The following KCNQ2 variants were observed in gnomAD, a reference collection of about 807,000 sequenced individuals.
KCNQ2 encodes potassium voltage-gated channel subfamily Q member 2.
A neutral mutation model predicts 84.8 loss-of-function variants in KCNQ2; 14 were observed. The observed-to-expected ratio is 0.17, with a 90% CI of 0.11 to 0.26. The LOEUF (loss-of-function observed/expected upper bound fraction) is 0.26. Ranked by LOEUF, KCNQ2 falls within the 10% of genes least tolerant of loss-of-function variation. The pLI, the probability that KCNQ2 is intolerant of heterozygous loss-of-function variation, is 1.00. For missense variants in KCNQ2, 788 were observed against 1,254.0 expected, an observed-to-expected ratio of 0.63 and a Z score of 5.61; for synonymous variants, 599 against 554.1, an observed-to-expected ratio of 1.08 and a Z score of -1.14.
At position 63,417,550 on chromosome 20, in the gene KCNQ2, C is replaced by T. The variant is rs2080333485; in HGVS notation, c.1301+2069G>A. 3.3e-5 allele frequency among the ~76,000 whole-genome samples: 5 copies of T among 152,314 alleles called. No individual in the cohort carries two copies. In the Middle Eastern group the frequency reaches 0.014, roughly 414 times the overall value. ...CCTTGGCTGGTCTCTGGGCAGAGCC[C>T]GGTGCTGAGGGCTTGCAGTGGGAAA... On this transcript the variant is annotated intron_variant, in intron 12 of 16. Coordinates refer to ENST00000359125, the MANE Select transcript of KCNQ2 (RefSeq NM_172107.4).
rs1283846689 is a variant in KCNQ2 at position 63,438,605 on chromosome 20, C to T, written c.1023+20G>A. On this transcript the variant is annotated intron_variant, in intron 7 of 16. Coordinates refer to ENST00000359125, the MANE Select transcript of KCNQ2 (RefSeq NM_172107.4). The surrounding 1 kb of genome is among the most constrained non-coding windows in gnomAD (Gnocchi z 5.1). Reference sequence around the variant, plus strand: ...CCAGGACAAGGGCTGTGCTGGTCCCCGGGGGACACCTGGACTCACCTGGAT... The same window carrying T: ...CCAGGACAAGGGCTGTGCTGGTCCCTGGGGGACACCTGGACTCACCTGGAT... The T allele has an allele frequency of 4.4e-6, 7 of 1,607,636 alleles. No homozygotes were observed. In the East Asian group the frequency reaches 6.7e-5, roughly 15 times the overall value.
At position 63,406,346 on chromosome 20, in the gene KCNQ2, A is replaced by G. The variant is rs1381293572; in HGVS notation, c.*298T>C. 27 of 392,108 alleles carry G rather than the reference A, an allele frequency of 6.9e-5. No individual in the cohort carries two copies. Among genetic ancestry groups the G allele is most frequent in the Non-Finnish European group, 1.3e-4 (27 of 214,688 alleles). The allele number at this position is 392,108 out of a possible 1,614,324, so 24.3% of individuals were successfully genotyped here. A position where few individuals can be genotyped will look rare whatever the true frequency, so the allele number is the denominator to read the frequency against. On this transcript the variant is annotated 3_prime_UTR_variant, in exon 17 of 17. Coordinates refer to ENST00000359125, the MANE Select transcript of KCNQ2 (RefSeq NM_172107.4). ...CGTCATCACTCCCGCCCCTCCTCAC[A>G]CCGGGCTGATGTCGGCCGCGGCCCT...
At chr20:63,419,079 AG>A (rs1568889250) in intron 12 of KCNQ2, among the ~76,000 whole-genome samples, 1 of 151,964 alleles carries the variant, frequency 6.6e-6, no homozygotes, top group Non-Finnish European at 1.5e-5. Flanking sequence ...CACGGTGCAA[AG>A]GGGGCGGCTC....
At chr20:63,453,280 G>A (rs951736171) in intron 1 of KCNQ2, among the ~76,000 whole-genome samples, 3 of 152,254 alleles carry the variant, frequency 2.0e-5, no homozygotes, top group Non-Finnish European at 4.4e-5. Flanking sequence ...CCACGTGTGC[G>A]ACCCAGAGGC....
intron 1 of KCNQ2, among the ~76,000 whole-genome samples, chr20:63,450,483 G>C: frequency 2.6e-4 from 1 of 3,852 alleles, no homozygotes; most frequent in Non-Finnish European, 4.9e-4. Context: ...CCCTGAGGCA[G>C]CACTGGGCGC....
At chr20:63,433,534 G>C in intron 8 of KCNQ2, 2 of 625,844 alleles carry the variant, frequency 3.2e-6, no homozygotes, top group African/African-American at 3.7e-5. Context: ...GCTCCCTGGG[G>C]AGCGTCCTTG....
intron 1 of KCNQ2, chr20:63,466,453 C>T (rs533497611): frequency 6.6e-6 from 1 of 152,400 alleles, no homozygotes; most frequent in African/African-American, 2.4e-5. Flanking sequence ...GAGAATCGGC[C>T]GGAGGGGCAG....
chr20:63,457,165 A>ACCGCCC (rs1461594504), intron 1 of KCNQ2, among the ~76,000 whole-genome samples: 5 of 151,836 alleles, frequency 3.3e-5, no homozygotes, highest in Admixed American at 6.5e-5. Context: ...ATCACTGCAG[A>ACCGCCC]CCGCCGGGGC....
chr20:63,412,923 G>A (rs933283970), intron 15 of KCNQ2, among the ~76,000 whole-genome samples: 4 of 152,180 alleles, frequency 2.6e-5, no homozygotes, highest in Non-Finnish European at 5.9e-5. Context: ...TGGACTTAGG[G>A]GACACCTATG....
chr20:63,415,779 G>A (rs930066485), intron 12 of KCNQ2, among the ~76,000 whole-genome samples: 1 of 152,184 alleles, frequency 6.6e-6, no homozygotes, highest in African/African-American at 2.4e-5. Context: ...TCTTCCTCGG[G>A]CACCTCTGTC....
chr20:63,404,607 C>T lies in KCNQ2; in HGVS notation c.*2037G>A, dbSNP rs1271608507. ...ACGCACTCATACCCCTGCCTGTGGG[C>T]CCCGCTATGGATTCCCTGCCCCATG... On this transcript the variant is annotated 3_prime_UTR_variant, in exon 17 of 17. Transcript: ENST00000359125. 1 of 152,304 alleles carries T rather than the reference C, an allele frequency of 6.6e-6. No homozygotes were observed. The highest frequency in any genetic ancestry group is 1.5e-5 in the Non-Finnish European group (1 of 68,114). 9.4% of individuals were successfully genotyped at this position (152,304 alleles called of 1,614,324 possible).
rs550559010 is a variant in KCNQ2 at position 63,414,567 on chromosome 20, C to T, written c.1525+336G>A. On this transcript the variant is annotated intron_variant, in intron 13 of 16. Coordinates refer to ENST00000359125, the MANE Select transcript of KCNQ2 (RefSeq NM_172107.4). This position sits in a 1 kb window ranked among gnomAD's most constrained non-coding sequence, Gnocchi z 6.6. ...CCCACGTGGGAGCCGCAGACACGCA[C>T]GGCCCAAGAGCAGCGGGTGCTGGGG... 7.7e-4 allele frequency among the ~76,000 whole-genome samples: 117 copies of T among 152,130 alleles called. 1 individual carries two copies. In the Middle Eastern group the frequency reaches 0.017, roughly 22 times the overall value.
chr20:63,434,432 G>A, intron 7 of KCNQ2: 1 of 160,512 alleles, frequency 6.2e-6, no homozygotes, highest in East Asian at 1.9e-4. Context: ...TTTGTTTTGC[G>A]GTGCTGAAAT....
intron 5 of KCNQ2, among the ~76,000 whole-genome samples, chr20:63,441,791 A>G (rs968382098): frequency 3.9e-5 from 6 of 152,260 alleles, no homozygotes; most frequent in Non-Finnish European, 8.8e-5. Flanking sequence ...ACTTCGGATC[A>G]GCTGCATCCG....
At chr20:63,418,658 G>A (rs1484891655) in intron 12 of KCNQ2, among the ~76,000 whole-genome samples, 2 of 152,178 alleles carry the variant, frequency 1.3e-5, no homozygotes, top group African/African-American at 4.8e-5. Context: ...GGACACGCAG[G>A]ACAGCTGCTA....
intron 8 of KCNQ2, 53 bp from the exon 9 acceptor site, chr20:63,431,422 G>A (rs927243104): frequency 4.4e-6 from 7 of 1,586,680 alleles, no homozygotes; most frequent in African/African-American, 4.0e-5. Flanking sequence ...ATTTCAAAAA[G>A]AACGGGATAA....
At position 63,414,331 on chromosome 20, in the gene KCNQ2, T is replaced by C; in HGVS notation, c.1526-138A>G. 1 of 649,990 alleles carries C rather than the reference T, an allele frequency of 1.5e-6. No individual in the cohort carries two copies. Among genetic ancestry groups the C allele is most frequent in the Non-Finnish European group, 2.7e-6 (1 of 363,916 alleles). The allele number at this position is 649,990 out of a possible 1,614,324, so 40.3% of individuals were successfully genotyped here. A position where few individuals can be genotyped will look rare whatever the true frequency, so the allele number is the denominator to read the frequency against. On this transcript the variant is annotated intron_variant, in intron 13 of 16. Transcript: ENST00000359125. This position sits in a 1 kb window ranked among gnomAD's most constrained non-coding sequence, Gnocchi z 6.6. Reference sequence around the variant, plus strand: ...TGTGGTGCCCCTCGGGTGCACCTGCTTTTCTGGAAACCCACCCATCTGCAC... The same window carrying C: ...TGTGGTGCCCCTCGGGTGCACCTGCCTTTCTGGAAACCCACCCATCTGCAC...
intron 12 of KCNQ2, among the ~76,000 whole-genome samples, chr20:63,415,541 T>C (rs192841981): frequency 0.012 from 425 of 35,620 alleles, 52 homozygotes; most frequent in South Asian, 0.082. Flanking sequence ...CCACAGACAC[T>C]GAGCACCCGG....
Position 63,403,832 on chromosome 20 carries a change from G to C in KCNQ2, c.*2812C>G, listed in dbSNP as rs1252997657. On this transcript the variant is annotated 3_prime_UTR_variant, in exon 17 of 17. Coordinates refer to ENST00000359125, the MANE Select transcript of KCNQ2 (RefSeq NM_172107.4). ...ACACTGCGGGAGCTCTTTGCCATGA[G>C]GTGGCACTGGTCCTTGGCCACGCTC... The C allele has an allele frequency of 1.3e-5, 2 of 152,260 alleles. No homozygotes were observed. The highest frequency in any genetic ancestry group is 2.1e-4 in the South Asian group (1 of 4,836). The allele number at this position is 152,260 out of a possible 1,614,324, so 9.4% of individuals were successfully genotyped here.
Sources: allele counts gnomAD v4.1 joint callset (sites outside exome capture counted in the v4.1 genomes callset), GRCh38; gene constraint gnomAD v4.1.1; non-coding constraint Gnocchi (gnomAD v3.1); transcripts MANE v1.5; gene names NCBI Gene and HGNC (gene_info 2026-07-23, HGNC 2026-07-21).